AKR1E2: variants seen among roughly 807,000 people sequenced by gnomAD.
AKR1E2 encodes the protein 1,5-anhydro-D-fructose reductase.
A neutral mutation model predicts 41.9 loss-of-function variants in AKR1E2; 43 were observed. The ratio of observed to expected loss-of-function variants is 1.03; its 90% CI spans 0.80 to 1.32. AKR1E2 has a LOEUF of 1.32. AKR1E2 is among the 40% of genes most tolerant of loss of function. The pLI is 0.00. For missense variants in AKR1E2, 423 were observed against 396.5 expected, an observed-to-expected ratio of 1.07 and a Z score of -0.57; for synonymous variants, 121 against 138.9, an observed-to-expected ratio of 0.87 and a Z score of 0.91.
chr10:4,869,894 A>G, the AKR1E2 span, among the ~76,000 whole-genome samples: 29 of 151,510 alleles, frequency 1.9e-4, no homozygotes, highest in African/African-American at 5.8e-4. Context: ...ATTAATTTCT[A>G]TTTGTTCAGG....
the AKR1E2 span, among the ~76,000 whole-genome samples, chr10:4,863,103 A>G: frequency 5.9e-5 from 9 of 152,340 alleles, no homozygotes; most frequent in African/African-American, 2.2e-4. Flanking sequence ...CTCTGCACCA[A>G]GTGGACCTAA....
chr10:4,838,098 C>A (rs1833580607), intron 5 of AKR1E2, among the ~76,000 whole-genome samples: 1 of 152,174 alleles, frequency 6.6e-6, no homozygotes, highest in African/African-American at 2.4e-5. Context: ...TTATACAGTA[C>A]TTAAGCTTTT....
the AKR1E2 span, among the ~76,000 whole-genome samples, chr10:4,866,793 G>C: frequency 3.3e-5 from 5 of 151,992 alleles, no homozygotes; most frequent in African/African-American, 1.2e-4. Context: ...GTGCTGAGTA[G>C]TTAGAGATGA....
At chr10:4,846,527 G>C (rs1329201041) in intron 8 of AKR1E2, among the ~76,000 whole-genome samples, 1 of 151,894 alleles carries the variant, frequency 6.6e-6, no homozygotes, top group African/African-American at 2.4e-5. Context: ...AGCAGAGTCA[G>C]TGGGAAAAAT....
downstream of AKR1E2, among the ~76,000 whole-genome samples, chr10:4,852,892 C>T (rs1467885783): frequency 1.3e-5 from 2 of 152,074 alleles, no homozygotes; most frequent in African/African-American, 2.4e-5. Context: ...CCTTCTGTGT[C>T]CTCACATGGT....
chr10:4,844,167 G>A (rs573023070), intron 8 of AKR1E2, among the ~76,000 whole-genome samples: 315 of 152,300 alleles, frequency 2.1e-3, no homozygotes, highest in Non-Finnish European at 3.4e-3. Flanking sequence ...GTTCGGATGT[G>A]TTCGGAGTTT....
chr10:4,839,734 G>T lies in AKR1E2; in HGVS notation c.588G>T (p.Glu196Asp), dbSNP rs377659367. Reference protein sequence around the residue: ...LRFKPLTNQIECHPYLTQKNL... With the variant: ...LRFKPLTNQIDCHPYLTQKNL... ...AAGCTATGATTCTGTTATAGATTGA[G>T]TGCCACCCATATCTTACTCAGAAGA... Residue 196 changes from glutamate (E) to aspartate (D), a missense_variant, in exon 6 of 10, where the codon GAG becomes GAT. Physicochemically the swap from Glu to Asp is conservative, Grantham distance 45. Coordinates refer to ENST00000298375, the MANE Select transcript of AKR1E2 (RefSeq NM_001040177.3). The T allele has an allele frequency of 1.9e-6, 3 of 1,613,490 alleles. No homozygotes were observed. The highest frequency in any genetic ancestry group is 2.7e-5 in the African/African-American group (2 of 74,900).
intron 2 of AKR1E2, among the ~76,000 whole-genome samples, chr10:4,831,241 TG>T (rs1344464447): frequency 2.6e-5 from 4 of 152,182 alleles, no homozygotes; most frequent in Non-Finnish European, 5.9e-5. Flanking sequence ...GGAGAAACTC[TG>T]GGTGTGGAGG....
intron 5 of AKR1E2, among the ~76,000 whole-genome samples, chr10:4,838,306 T>C (rs565434190): frequency 6.6e-6 from 1 of 152,166 alleles, no homozygotes; most frequent in Non-Finnish European, 1.5e-5. Flanking sequence ...AAAATAATAA[T>C]GCAACATAAA....
intron 1 of AKR1E2, among the ~76,000 whole-genome samples, chr10:4,828,713 TTAA>T (rs1371092237): frequency 7.2e-5 from 11 of 152,344 alleles, no homozygotes; most frequent in Admixed American, 7.2e-4. Context: ...TTCTTCTCTG[TTAA>T]TAAATTGTCC....
At chr10:4,860,464 A>C in the AKR1E2 span, among the ~76,000 whole-genome samples, 1 of 152,184 alleles carries the variant, frequency 6.6e-6, no homozygotes, top group Admixed American at 6.5e-5. Flanking sequence ...AACCTTTATG[A>C]CCAAGGACAG....
chr10:4,853,478 T>C, the AKR1E2 span, among the ~76,000 whole-genome samples: 1 of 150,320 alleles, frequency 6.7e-6, no homozygotes, highest in East Asian at 1.9e-4. Context: ...GTAAAATATC[T>C]GAAGAGATTG....
At chr10:4,859,859 G>T in the AKR1E2 span, among the ~76,000 whole-genome samples, 4 of 152,220 alleles carry the variant, frequency 2.6e-5, no homozygotes, top group Non-Finnish European at 4.4e-5. Flanking sequence ...TAATTTTGTG[G>T]TGTCTCCCTT....
At chr10:4,837,366 C>G in intron 4 of AKR1E2, 93 bp from the exon 5 acceptor site, 3 of 1,456,006 alleles carry the variant, frequency 2.1e-6, no homozygotes, top group Non-Finnish European at 2.8e-6. Flanking sequence ...TGGGTCCAAC[C>G]AGTTTTAGAA....
At chr10:4,835,095 C>T (rs988990038) in intron 3 of AKR1E2, among the ~76,000 whole-genome samples, 2 of 152,240 alleles carry the variant, frequency 1.3e-5, no homozygotes, top group South Asian at 2.1e-4. Context: ...ATGCCTATGC[C>T]ATTCACCCTT....
intron 2 of AKR1E2, among the ~76,000 whole-genome samples, chr10:4,831,944 A>G (rs1386933636): frequency 1.3e-5 from 2 of 152,226 alleles, no homozygotes; most frequent in African/African-American, 4.8e-5. Context: ...GGTAGGAGAC[A>G]TTAACAGCAG....
intron 6 of AKR1E2, among the ~76,000 whole-genome samples, 155 bp from the exon 7 acceptor site, chr10:4,841,630 C>A (rs745541725): frequency 6.6e-6 from 1 of 152,052 alleles, no homozygotes; most frequent in Admixed American, 6.6e-5. Context: ...AAATGTGGGG[C>A]GATGTGCTTT....
the AKR1E2 span, among the ~76,000 whole-genome samples, chr10:4,859,882 A>T: frequency 6.6e-6 from 1 of 152,192 alleles, no homozygotes; most frequent in Non-Finnish European, 1.5e-5. Flanking sequence ...AATGCACTCC[A>T]TGCATGTGCA....
chr10:4,860,406 G>C, the AKR1E2 span, among the ~76,000 whole-genome samples: 4 of 152,160 alleles, frequency 2.6e-5, no homozygotes, highest in Non-Finnish European at 1.5e-5. Context: ...TGTGGCAAGA[G>C]CCAGTTTTGA....
Sources: allele counts gnomAD v4.1 joint callset (sites outside exome capture counted in the v4.1 genomes callset), GRCh38; gene constraint gnomAD v4.1.1; transcripts MANE v1.5; gene names NCBI Gene and HGNC (gene_info 2026-07-23, HGNC 2026-07-21).